Variants in PLEKHH1 observed in about 807,000 individuals in gnomAD.
PLEKHH1 encodes pleckstrin homology domain-containing family H member 1.
PLEKHH1 carries 104 observed loss-of-function variants against 160.0 expected under a neutral mutation model. The observed-to-expected ratio is 0.65, with a 90% CI of 0.55 to 0.76. The LOEUF is 0.76. Ranked by LOEUF, PLEKHH1 falls within the 30% of genes least tolerant of loss-of-function variation. The probability of loss-of-function intolerance (pLI) is 0.00; values close to 1 mark genes in which losing one functional copy is unlikely to be tolerated. For synonymous variants in PLEKHH1, 619 were observed against 678.4 expected, an observed-to-expected ratio of 0.91 and a Z score of 1.36; for missense variants, 1,427 against 1,724.1, an observed-to-expected ratio of 0.83 and a Z score of 3.05.
Position 67,578,756 on chromosome 14 carries a change from G to A in PLEKHH1, c.2849+125G>A, listed in dbSNP as rs1257612820. The A allele has an allele frequency of 2.8e-6, 2 of 707,096 alleles. No homozygotes were observed. Among genetic ancestry groups the A allele is most frequent in the Non-Finnish European group, 5.1e-6 (2 of 392,784 alleles). The allele number at this position is 707,096 out of a possible 1,614,324, so 43.8% of individuals were successfully genotyped here. A position where few individuals can be genotyped will look rare whatever the true frequency, so the allele number is the denominator to read the frequency against. ...TCCTCTGAAACCGCTCAGTGGTCGT[G>A]GAGACTTCACCCATTGCCGTGTGCA... On this transcript the variant is annotated intron_variant, in intron 20 of 28. Coordinates refer to ENST00000329153, the MANE Select transcript of PLEKHH1 (RefSeq NM_020715.3). The surrounding 1 kb of genome is among the most constrained non-coding windows in gnomAD (Gnocchi z 5.0).
chr14:67,557,595 C>T (rs2034646392), intron 4 of PLEKHH1, among the ~76,000 whole-genome samples, 177 bp downstream of exon 4: 1 of 152,242 alleles, frequency 6.6e-6, no homozygotes, highest in Admixed American at 6.5e-5. Flanking sequence ...CACATCTGCT[C>T]ATTAGAAGCC....
At chr14:67,551,732 T>C (rs1036812774) in intron 2 of PLEKHH1, among the ~76,000 whole-genome samples, 5 of 152,044 alleles carry the variant, frequency 3.3e-5, no homozygotes, top group African/African-American at 9.7e-5. Flanking sequence ...CTACTAAAAA[T>C]ACCAAAATTA....
rs6573783 is a variant in PLEKHH1, at chr14:67,587,260, A to C, written c.*25A>C. The stretch of plus-strand genomic sequence containing the variant: ...AATATTTCTCCTACCCGATTCCCCA[A>C]CACCACTAGTGCCTCTGGATTTAGA... On this transcript the variant is annotated 3_prime_UTR_variant, in exon 29 of 29. Transcript: ENST00000329153. The C allele has an allele frequency of 1, 1,610,557 of 1,613,066 alleles. 804,058 individuals are homozygous for C. Among genetic ancestry groups the C allele is most frequent in the East Asian group, 1 (44,874 of 44,874 alleles).
chr14:67,540,567 A>G (rs1219026600), intron 1 of PLEKHH1, among the ~76,000 whole-genome samples: 1 of 151,844 alleles, frequency 6.6e-6, no homozygotes, highest in African/African-American at 2.4e-5. Context: ...CAGAGGTTGT[A>G]GTGAGCCAAA....
At chr14:67,535,589 C>T (rs2033682104) in intron 1 of PLEKHH1, among the ~76,000 whole-genome samples, 1 of 151,970 alleles carries the variant, frequency 6.6e-6, no homozygotes, top group South Asian at 2.1e-4. Flanking sequence ...ACCATGTTGG[C>T]CAGTCTGGTT....
chr14:67,578,566 T>A lies in PLEKHH1; in HGVS notation c.2784T>A (p.Leu928=). 6.2e-7 allele frequency: 1 copy of A among 1,612,096 alleles called. No homozygotes were observed. Residue 928 remains leucine (L), a synonymous_variant, in exon 20 of 29, where the codon CTT becomes CTA. Transcript: ENST00000329153. The surrounding 1 kb of genome is among the most constrained non-coding windows in gnomAD (Gnocchi z 5.0). ...AGCTCCTCGCTCTGTGTGCTCCACTTTTCCTGCCTCAGCATCACTTCCTCT... is the reference window on the plus strand; with the variant it reads ...AGCTCCTCGCTCTGTGTGCTCCACTATTCCTGCCTCAGCATCACTTCCTCT... The part of the protein sequence containing the change: ...CWQLLALCAP[L]FLPQHHFLWY...
At chr14:67,556,221 G>A (rs906589906) in intron 3 of PLEKHH1, among the ~76,000 whole-genome samples, 2 of 152,230 alleles carry the variant, frequency 1.3e-5, no homozygotes, top group African/African-American at 4.8e-5. Context: ...AGGAATCCAG[G>A]TTAAAGGAGG....
chr14:67,561,689 G>A (rs985406717), intron 5 of PLEKHH1, among the ~76,000 whole-genome samples: 5 of 152,020 alleles, frequency 3.3e-5, no homozygotes, highest in South Asian at 2.1e-4. Context: ...GCAACATAGC[G>A]AGAGCTTGTC....
In PLEKHH1 at chr14:67,562,176, C is replaced by A. The variant is rs200696869; in HGVS notation, c.545C>A (p.Pro182His). Residue 182 changes from proline to histidine, a missense_variant, in exon 7 of 29, where the codon CCC becomes CAC. By Grantham distance (77) the Pro-to-His change is moderately conservative (BLOSUM62 -2). This residue lies in a region of PLEKHH1 where 831 missense variants were observed against 929.2 expected (regional missense o/e 0.89). Transcript: ENST00000329153. ...IAPSRKLLVPPYGAAEQDSVP... is the reference protein window; with the variant it reads ...IAPSRKLLVPHYGAAEQDSVP... ...CCTTCACGGAAGCTGCTGGTGCCCC[C>A]CTACGGAGCTGCAGAGCAGGATTCT... The A allele has an allele frequency of 2.1e-5, 34 of 1,611,478 alleles. No individual in the cohort carries two copies. Among genetic ancestry groups the A allele is most frequent in the Non-Finnish European group, 2.8e-5 (33 of 1,178,686 alleles).
chr14:67,569,049 C>A lies in PLEKHH1; in HGVS notation c.1264-89C>A. ...CTGCCCCCCACAGGTCTGCCCACCC[C>A]CAAAGCCATGCTTTTTCCTGCACAT... On this transcript the variant is annotated intron_variant, in intron 7 of 28. Transcript: ENST00000329153. The A allele has an allele frequency of 1.2e-5, 11 of 900,028 alleles. 1 individual carries two copies. In the South Asian group the frequency reaches 1.6e-4, roughly 13 times the overall value. The allele number at this position is 900,028 out of a possible 1,614,324, so 55.8% of individuals were successfully genotyped here.
intron 1 of PLEKHH1, among the ~76,000 whole-genome samples, chr14:67,539,304 G>A (rs542033963): frequency 1.3e-5 from 2 of 152,286 alleles, no homozygotes; most frequent in Admixed American, 6.5e-5. Flanking sequence ...CTTCCTGCCC[G>A]TTCCAGTTGG....
chr14:67,573,457 A>C lies in PLEKHH1; in HGVS notation c.1839+71A>C. 1 of 1,030,850 alleles carries C rather than the reference A, an allele frequency of 9.7e-7. No individual in the cohort carries two copies. Among genetic ancestry groups the C allele is most frequent in the Non-Finnish European group, 1.5e-6 (1 of 666,128 alleles). 63.9% of individuals were successfully genotyped at this position (1,030,850 alleles called of 1,614,324 possible). A position where few individuals can be genotyped will look rare whatever the true frequency, so the allele number is the denominator to read the frequency against. On this transcript the variant is annotated intron_variant, in intron 12 of 28. Coordinates refer to ENST00000329153, the MANE Select transcript of PLEKHH1 (RefSeq NM_020715.3). This position sits in a 1 kb window ranked among gnomAD's most constrained non-coding sequence, Gnocchi z 4.8. ...CACACCCTGGACTATGTCAGATGGGACGGAGGAGGGGGAATGTGGCCCAAG... is the reference window on the plus strand; with the variant it reads ...CACACCCTGGACTATGTCAGATGGGCCGGAGGAGGGGGAATGTGGCCCAAG...
At chr14:67,570,339 G>T (rs2035311915) in intron 9 of PLEKHH1, 2 of 1,031,344 alleles carry the variant, frequency 1.9e-6, no homozygotes, top group Non-Finnish European at 2.3e-6. Context: ...AATTACTGAG[G>T]TATATTCCAA....
rs1408555800 is a variant in PLEKHH1 at position 67,562,481 on chromosome 14, GA to G, written c.851del (p.Glu284GlyfsTer27). 4 of 1,613,654 alleles carry G rather than the reference GA, an allele frequency of 2.5e-6. No homozygotes were observed. Among genetic ancestry groups the G allele is most frequent in the Non-Finnish European group, 3.4e-6 (4 of 1,179,582 alleles). On this transcript the variant is annotated frameshift_variant, in exon 7 of 29. Coordinates refer to ENST00000329153, the MANE Select transcript of PLEKHH1 (RefSeq NM_020715.3). LOFTEE classifies it high-confidence loss of function. ...CAGATGTAGTTCAGCTTCCTGGGGT[GA>G]GGGTCTGGTTACTGCTCAGAGAGGG... ...TFRCSSASWG[E>X]GLVTAQRGML...
chr14:67,576,028 C>T lies in PLEKHH1; in HGVS notation c.2352+23C>T, dbSNP rs748660581. 5.7e-6 allele frequency: 9 copies of T among 1,572,138 alleles called. No homozygotes were observed. The highest frequency in any genetic ancestry group is 2.7e-5 in the African/African-American group (2 of 73,924). On this transcript the variant is annotated intron_variant, in intron 16 of 28. Transcript: ENST00000329153. This position sits in a 1 kb window ranked among gnomAD's most constrained non-coding sequence, Gnocchi z 4.0. ...AAGGTAAGGAAGAGGGCTGGGCCTC[C>T]AGGGCCAAGCTTGGACCTGTGATTC...
chr14:67,536,171 C>T (rs1031044225), intron 1 of PLEKHH1, among the ~76,000 whole-genome samples: 1 of 149,008 alleles, frequency 6.7e-6, no homozygotes, highest in African/African-American at 2.6e-5. Context: ...GACATGCTCA[C>T]CTTCTCTGTC....
chr14:67,575,778 CA>C, intron 15 of PLEKHH1, 44 bp from the exon 16 acceptor site: 1 of 1,460,136 alleles, frequency 6.8e-7, no homozygotes, highest in Admixed American at 1.8e-5. Context: ...GAGACTCCCT[CA>C]TCCCCCACTG....
chr14:67,556,249 T>G (rs2034589258), intron 3 of PLEKHH1, among the ~76,000 whole-genome samples: 1 of 152,212 alleles, frequency 6.6e-6, no homozygotes, highest in African/African-American at 2.4e-5. Flanking sequence ...ATCTTATAGC[T>G]GGACCACTTG....
chr14:67,554,360 G>A lies in PLEKHH1; in HGVS notation c.127-1465G>A, dbSNP rs894199636. On this transcript the variant is annotated intron_variant, in intron 2 of 28. Coordinates refer to ENST00000329153, the MANE Select transcript of PLEKHH1 (RefSeq NM_020715.3). The stretch of plus-strand genomic sequence containing the variant: ...GTCCAGGCTGAAGGGAGAAGGTTGA[G>A]TAGCCAGAGAAGAGGCCAAATCCTT... Among the ~76,000 whole-genome samples, 51 of 152,222 alleles carry A rather than the reference G, an allele frequency of 3.4e-4. 1 individual carries two copies.
Sources: gnomAD v4.1 joint callset for allele counts (sites outside exome capture counted in the v4.1 genomes callset) on GRCh38, gnomAD v4.1.1 for gene constraint, gnomAD v4.1.1 regional missense constraint, Gnocchi (gnomAD v3.1) non-coding constraint, MANE v1.5 for transcripts, NCBI Gene and HGNC (gene_info 2026-07-23, HGNC 2026-07-21) for gene names.